Variants in USP40 observed in about 807,000 individuals in gnomAD.
The protein encoded by USP40 is ubiquitin specific peptidase 40.
USP40 carries 143 observed loss-of-function variants against 166.2 expected under a neutral mutation model. That is an observed-to-expected ratio of 0.86 (90% CI 0.75 to 0.99). The LOEUF (loss-of-function observed/expected upper bound fraction) is 0.99, where lower values mean the gene tolerates loss of function less well. Among genes scored for constraint, USP40 ranks in the 50% least tolerant of loss-of-function variants. The pLI is 0.00. For synonymous variants in USP40, 498 were observed against 524.0 expected (o/e 0.95, Z 0.68); for missense variants, 1,444 against 1,479.7 (o/e 0.98, Z 0.40).
chr2:233,548,642 C>T lies in USP40; in HGVS notation c.966+459G>A, dbSNP rs566931013. 9.5e-4 allele frequency among the ~76,000 whole-genome samples: 145 copies of T among 152,204 alleles called. 2 individuals are homozygous for T. In the South Asian group the frequency reaches 0.029, roughly 31 times the overall value. ...GAAAACTGGTGGAATCTGAACATAACTATTAGACAACAGTATTATATCAAT... is the reference window on the plus strand; with the variant it reads ...GAAAACTGGTGGAATCTGAACATAATTATTAGACAACAGTATTATATCAAT... On this transcript the variant is annotated intron_variant, in intron 8 of 31. Transcript: ENST00000678225.
chr2:233,498,504 T>C lies in USP40; in HGVS notation c.2715+44A>G, dbSNP rs201542458. ...GGGTACCTTGTACGAAAATATGACA[T>C]AAATGTAATCATACGAAAGTACAAT... On this transcript the variant is annotated intron_variant, in intron 23 of 31. Coordinates refer to ENST00000678225, the MANE Select transcript of USP40 (RefSeq NM_001365479.2). 1.3e-4 allele frequency: 208 copies of C among 1,567,416 alleles called. No homozygotes were observed. The African/African-American group carries it at 2.3e-3, about 18-fold the overall frequency.
intron 1 of USP40, 111 bp from the exon 2 acceptor site, chr2:233,565,684 T>C: frequency 1.1e-6 from 1 of 951,560 alleles, no homozygotes; most frequent in Non-Finnish European, 1.5e-6. Context: ...ACAGGACTAC[T>C]GTTTCTATGT....
chr2:233,478,685 T>C (rs1485979814), intron 31 of USP40, among the ~76,000 whole-genome samples: 2 of 152,160 alleles, frequency 1.3e-5, no homozygotes, highest in Non-Finnish European at 2.9e-5. Flanking sequence ...TGGAAGTGTG[T>C]GAGGTGGGCA....
chr2:233,521,963 T>A (rs1473861884), intron 16 of USP40, among the ~76,000 whole-genome samples: 1 of 152,218 alleles, frequency 6.6e-6, no homozygotes, highest in South Asian at 2.1e-4. Flanking sequence ...CTCAAGTCTA[T>A]GAAGTTGGCA....
At chr2:233,481,826 C>A (rs1423607235) in intron 30 of USP40, among the ~76,000 whole-genome samples, 1 of 152,230 alleles carries the variant, frequency 6.6e-6, no homozygotes, top group Non-Finnish European at 1.5e-5. Flanking sequence ...GGGCAAGCCT[C>A]CTCCCTTTCC....
At chr2:233,536,736 A>T (rs992664089) in intron 10 of USP40, among the ~76,000 whole-genome samples, 1 of 152,244 alleles carries the variant, frequency 6.6e-6, no homozygotes, top group Non-Finnish European at 1.5e-5. Context: ...GGTCCTCAGT[A>T]TCTGCAGTTT....
At chr2:233,481,369 T>G in intron 30 of USP40, 72 bp from the exon 31 acceptor site, 2 of 1,290,316 alleles carry the variant, frequency 1.6e-6, no homozygotes, top group South Asian at 2.7e-5. Flanking sequence ...GAGGCATGTC[T>G]AAAAAACTAC....
intron 10 of USP40, among the ~76,000 whole-genome samples, chr2:233,538,569 C>T (rs2069111981): frequency 6.6e-6 from 1 of 152,206 alleles, no homozygotes; most frequent in Non-Finnish European, 1.5e-5. Flanking sequence ...ACAAATTTGA[C>T]ACCTCAGATA....
intron 8 of USP40, chr2:233,545,782 G>A: frequency 1.3e-5 from 3 of 222,348 alleles, no homozygotes; most frequent in Admixed American, 8.4e-5. Flanking sequence ...TTGCTGAACT[G>A]TAAGTGGAAA....
At chr2:233,527,979 G>GAT (rs1454446007) in intron 12 of USP40, among the ~76,000 whole-genome samples, 1 of 142,618 alleles carries the variant, frequency 7.0e-6, no homozygotes, top group Non-Finnish European at 1.5e-5. Flanking sequence ...ATTCTCCCAT[G>GAT]ATTTTTTTTT....
Position 233,527,577 on chromosome 2 carries a change from C to T in USP40, c.1555G>A (p.Ala519Thr). The T allele has an allele frequency of 1.9e-6, 3 of 1,600,024 alleles. No individual in the cohort carries two copies. The highest frequency in any genetic ancestry group is 2.6e-6 in the Non-Finnish European group (3 of 1,174,726). ...AANIELQTKR[A>T]ECDSANNTFE... Reference sequence around the variant, plus strand: ...GTATTGTTTGCAGAATCACATTCTGCCCTTTAAAGAGGCACAAAAATACAT... The same window carrying T: ...GTATTGTTTGCAGAATCACATTCTGTCCTTTAAAGAGGCACAAAAATACAT... Residue 519 changes from alanine to threonine, a missense_variant and splice_region_variant, in exon 13 of 32, where the codon GCA (alanine) becomes ACA (threonine). By Grantham distance (58) the Ala-to-Thr change is moderately conservative. Transcript: ENST00000678225.
At chr2:233,496,959 GAC>G in intron 23 of USP40, 127 bp from the exon 24 acceptor site, 1 of 636,188 alleles carries the variant, frequency 1.6e-6, no homozygotes. Flanking sequence ...AGATATGGAA[GAC>G]ACAGGAAATA....
intron 21 of USP40, among the ~76,000 whole-genome samples, chr2:233,501,366 A>G (rs1271754338): frequency 1.3e-5 from 2 of 152,232 alleles, no homozygotes; most frequent in Admixed American, 1.3e-4. Context: ...TTGTGCAGAC[A>G]TTCAAGACTT....
rs183126490 is a variant in USP40, at chr2:233,516,884, T to C, written c.2383+2730A>G. Among the ~76,000 whole-genome samples, 1,095 of 151,878 alleles carry C rather than the reference T, an allele frequency of 7.2e-3. 10 individuals carry two copies. The highest frequency in any genetic ancestry group is 0.013 in the Non-Finnish European group (857 of 67,890). ...ATTGAAAAAAAAAAAAAAAGAATAT[T>C]GTGTTGTCTGATTTGTGAATGTTGT... On this transcript the variant is annotated intron_variant, in intron 18 of 31. Coordinates refer to ENST00000678225, the MANE Select transcript of USP40 (RefSeq NM_001365479.2).
chr2:233,503,821 C>T (rs2066236775), intron 21 of USP40, among the ~76,000 whole-genome samples: 1 of 152,118 alleles, frequency 6.6e-6, no homozygotes, highest in Non-Finnish European at 1.5e-5. Context: ...CATGAAAACA[C>T]ATGAAAGTAT....
chr2:233,555,885 T>A (rs1441274336), intron 5 of USP40, among the ~76,000 whole-genome samples: 1 of 151,792 alleles, frequency 6.6e-6, no homozygotes, highest in Non-Finnish European at 1.5e-5. Context: ...GAGGCCAAGG[T>A]GGGCAGATCA....
intron 10 of USP40, among the ~76,000 whole-genome samples, chr2:233,534,612 A>G (rs755360547): frequency 6.6e-6 from 1 of 152,192 alleles, no homozygotes; most frequent in Non-Finnish European, 1.5e-5. Context: ...TATTTTATCA[A>G]CAAACAGAAG....
At chr2:233,488,166 T>C in intron 28 of USP40, 73 bp downstream of exon 28, 1 of 1,279,018 alleles carries the variant, frequency 7.8e-7, no homozygotes, top group African/African-American at 1.5e-5. Flanking sequence ...ACTATGAAGT[T>C]GTTAAAGCTT....
chr2:233,528,593 T>C (rs972307560), intron 12 of USP40, among the ~76,000 whole-genome samples: 12 of 152,210 alleles, frequency 7.9e-5, no homozygotes, highest in African/African-American at 2.7e-4. Flanking sequence ...AAATAACAAC[T>C]GCTAGTCCAG....
Sources: gnomAD v4.1 joint callset for allele counts (sites outside exome capture counted in the v4.1 genomes callset) on GRCh38, gnomAD v4.1.1 for gene constraint, MANE v1.5 for transcripts, NCBI Gene and HGNC (gene_info 2026-07-23, HGNC 2026-07-21) for gene names.